ADARB1: variants seen among roughly 807,000 people sequenced by gnomAD.
The protein encoded by ADARB1 is double-stranded RNA-specific editase 1.
A neutral mutation model predicts 52.4 loss-of-function variants in ADARB1; 10 were observed. The observed-to-expected ratio is 0.19, with a 90% CI of 0.12 to 0.32. The LOEUF (loss-of-function observed/expected upper bound fraction) is 0.32, where lower values mean the gene tolerates loss of function less well. Ranked by LOEUF, ADARB1 falls within the 10% of genes least tolerant of loss-of-function variation. The pLI, the probability that ADARB1 is intolerant of heterozygous loss-of-function variation, is 1.00. For missense variants in ADARB1, 643 were observed against 922.3 expected, an observed-to-expected ratio of 0.70 and a Z score of 3.92; for synonymous variants, 349 against 371.1, an observed-to-expected ratio of 0.94 and a Z score of 0.68.
intron 1 of ADARB1, among the ~76,000 whole-genome samples, chr21:45,095,765 G>A (rs1489634938): frequency 6.6e-6 from 1 of 152,214 alleles, no homozygotes; most frequent in East Asian, 1.9e-4. Context: ...GGCTGGAAGA[G>A]TATTACACGG....
intron 1 of ADARB1, among the ~76,000 whole-genome samples, chr21:45,082,416 G>A (rs1379643545): frequency 6.6e-6 from 1 of 152,186 alleles, no homozygotes; most frequent in Non-Finnish European, 1.5e-5. Flanking sequence ...TTGTAAGCCA[G>A]CGTCTGTCTG....
chr21:45,172,946 A>G lies in ADARB1; in HGVS notation c.28+1262A>G, dbSNP rs1016473587. 2.0e-5 allele frequency among the ~76,000 whole-genome samples: 3 copies of G among 152,186 alleles called. No individual in the cohort carries two copies. Among genetic ancestry groups the G allele is most frequent in the Admixed American group, 2.0e-4 (3 of 15,286 alleles). ...TGTTTCCAAGTTTGTGACAAGTTTT[A>G]AGAGAGAGGTTACGTCCATACTCCT... On this transcript the variant is annotated intron_variant, in intron 3 of 10. Transcript: ENST00000348831. The surrounding 1 kb of genome is among the most constrained non-coding windows in gnomAD (Gnocchi z 4.4).
chr21:45,179,100 T>C (rs943034091), intron 4 of ADARB1, among the ~76,000 whole-genome samples: 2 of 152,052 alleles, frequency 1.3e-5, no homozygotes, highest in Admixed American at 1.3e-4. Flanking sequence ...CCCTGGCCAA[T>C]TGGAATGCGT....
intron 2 of ADARB1, among the ~76,000 whole-genome samples, chr21:45,163,149 T>G (rs1378911186): frequency 6.6e-6 from 1 of 152,254 alleles, no homozygotes; most frequent in Non-Finnish European, 1.5e-5. Context: ...TTGTACTAAG[T>G]AGATCCCTTT....
chr21:45,083,410 T>TATAAAACATTC (rs2086225084), intron 1 of ADARB1, among the ~76,000 whole-genome samples: 1 of 152,228 alleles, frequency 6.6e-6, no homozygotes, highest in African/African-American at 2.4e-5. Flanking sequence ...TAGAAACATT[T>TATAAAACATTC]ATAAAACATT....
In ADARB1 at chr21:45,221,904, CT is replaced by C; in HGVS notation, c.1927-111del. The C allele has an allele frequency of 4.2e-6, 5 of 1,201,554 alleles. No homozygotes were observed. Among genetic ancestry groups the C allele is most frequent in the Non-Finnish European group, 5.8e-6 (5 of 857,252 alleles). The allele number at this position is 1,201,554 out of a possible 1,614,324, so 74.4% of individuals were successfully genotyped here. A position where few individuals can be genotyped will look rare whatever the true frequency, so the allele number is the denominator to read the frequency against. ...GCAGAAGGCGCCTTCCTCTGGGTTG[CT>C]TTCCCCCCAGAAGCCAATGCAGTTC... is the stretch of plus-strand genomic sequence containing the variant. On this transcript the variant is annotated intron_variant, in intron 10 of 10. Transcript: ENST00000348831. This position sits in a 1 kb window ranked among gnomAD's most constrained non-coding sequence, Gnocchi z 4.9.
At chr21:45,122,392 T>A (rs1265177526) in intron 1 of ADARB1, among the ~76,000 whole-genome samples, 5 of 152,248 alleles carry the variant, frequency 3.3e-5, no homozygotes, top group Non-Finnish European at 7.3e-5. Flanking sequence ...ACAAGGCATG[T>A]TAAATCCTCA....
chr21:45,183,215 T>A (rs886184806), intron 6 of ADARB1, 147 bp from the exon 7 acceptor site: 51 of 747,952 alleles, frequency 6.8e-5, no homozygotes, highest in Non-Finnish European at 8.9e-5. Context: ...TGACAAGAAC[T>A]GTATTAATTA....
intron 9 of ADARB1, among the ~76,000 whole-genome samples, chr21:45,217,066 T>C (rs546880772): frequency 6.6e-6 from 1 of 152,100 alleles, no homozygotes; most frequent in African/African-American, 2.4e-5. Flanking sequence ...TATCCCTTTA[T>C]ATTAAAGTAC....
chr21:45,166,986 A>G (rs1601724047), intron 2 of ADARB1, among the ~76,000 whole-genome samples: 1 of 152,336 alleles, frequency 6.6e-6, no homozygotes, highest in Non-Finnish European at 1.5e-5. Flanking sequence ...GTTCTTTTAA[A>G]AAGGGAAGAA....
chr21:45,093,676 C>T (rs951150889), intron 1 of ADARB1, among the ~76,000 whole-genome samples: 3 of 152,168 alleles, frequency 2.0e-5, no homozygotes, highest in Admixed American at 6.5e-5. Flanking sequence ...CCAGGGGGCT[C>T]CTCACCAGGG....
At chr21:45,207,877 A>G (rs1212220801) in intron 9 of ADARB1, among the ~76,000 whole-genome samples, 1 of 152,226 alleles carries the variant, frequency 6.6e-6, no homozygotes. Flanking sequence ...AAATGTAGGG[A>G]TAGGGTGTTG....
At chr21:45,207,096 C>G (rs2092682670) in intron 9 of ADARB1, among the ~76,000 whole-genome samples, 1 of 152,198 alleles carries the variant, frequency 6.6e-6, no homozygotes. Flanking sequence ...TGCAATCCTT[C>G]TGGACAAATG....
At chr21:45,219,668 G>A (rs2092927974) in intron 9 of ADARB1, among the ~76,000 whole-genome samples, 1 of 152,174 alleles carries the variant, frequency 6.6e-6, no homozygotes, top group Admixed American at 6.5e-5. Context: ...AGCCAAATGA[G>A]GTGGATTTGC....
chr21:45,112,845 G>A (rs1379269174), intron 1 of ADARB1, among the ~76,000 whole-genome samples: 2 of 152,124 alleles, frequency 1.3e-5, no homozygotes, highest in African/African-American at 4.8e-5. Flanking sequence ...GATCCCCAGA[G>A]TTATGATCTC....
rs1369369927 is a variant in ADARB1 at position 45,224,100 on chromosome 21, A to T, written c.*1903A>T. The T allele has an allele frequency of 5.1e-6, 5 of 985,310 alleles. No homozygotes were observed. The highest frequency in any genetic ancestry group is 6.0e-6 in the Non-Finnish European group (5 of 829,950). 61.0% of individuals were successfully genotyped at this position (985,310 alleles called of 1,614,324 possible). On this transcript the variant is annotated 3_prime_UTR_variant, in exon 11 of 11. Transcript: ENST00000348831. ...CAAGCAGGCTCTTGCACACTCTAGA[A>T]AAAACACCTTGTAAGTCTGTGCATT...
chr21:45,083,246 A>C (rs2086218650), intron 1 of ADARB1, among the ~76,000 whole-genome samples: 1 of 152,184 alleles, frequency 6.6e-6, no homozygotes, highest in Non-Finnish European at 1.5e-5. Flanking sequence ...AGTAAGTAGT[A>C]GAACCTGCAT....
chr21:45,158,367 C>T (rs1266196458), intron 2 of ADARB1, among the ~76,000 whole-genome samples: 6 of 152,110 alleles, frequency 3.9e-5, no homozygotes, highest in Admixed American at 6.5e-5. Context: ...CACAGTGAGG[C>T]AGAATGTGGA....
In ADARB1 at chr21:45,224,109, T is replaced by A; in HGVS notation, c.*1912T>A. The A allele has an allele frequency of 1.0e-6, 1 of 985,438 alleles. No homozygotes were observed. Among genetic ancestry groups the A allele is most frequent in the Non-Finnish European group, 1.2e-6 (1 of 829,942 alleles). The allele number at this position is 985,438 out of a possible 1,614,324, so 61.0% of individuals were successfully genotyped here. A position where few individuals can be genotyped will look rare whatever the true frequency, so the allele number is the denominator to read the frequency against. On this transcript the variant is annotated 3_prime_UTR_variant, in exon 11 of 11. Coordinates refer to ENST00000348831, the MANE Select transcript of ADARB1 (RefSeq NM_001112.4). Reference sequence around the variant, plus strand: ...TCTTGCACACTCTAGAAAAAACACCTTGTAAGTCTGTGCATTTTTATTGTC... The same window carrying A: ...TCTTGCACACTCTAGAAAAAACACCATGTAAGTCTGTGCATTTTTATTGTC...
Sources: allele counts gnomAD v4.1 joint callset (sites outside exome capture counted in the v4.1 genomes callset), GRCh38; gene constraint gnomAD v4.1.1; non-coding constraint Gnocchi (gnomAD v3.1); transcripts MANE v1.5; gene names NCBI Gene and HGNC (gene_info 2026-07-23, HGNC 2026-07-21).